The following UGT1A5 variants were observed in gnomAD, a reference collection of about 807,000 sequenced individuals.
UGT1A5 encodes the protein UDP glucuronosyltransferase family 1 member A5, also known as UDP-glucuronosyltransferase 1A5.
In UGT1A5, 29 loss-of-function variants were observed where a neutral mutation model predicts 40.3. The ratio of observed to expected loss-of-function variants is 0.72; its 90% CI spans 0.54 to 0.98. UGT1A5 has a LOEUF of 0.98. Among genes scored for constraint, UGT1A5 ranks in the 50% least tolerant of loss-of-function variants. The pLI, the probability that UGT1A5 is intolerant of heterozygous loss-of-function variation, is 0.00. For missense variants in UGT1A5, 678 were observed against 677.9 expected (o/e 1.00, Z 0.00); for synonymous variants, 257 against 262.5 (o/e 0.98, Z 0.20).
chr2:233,718,674 T>C, intron 1 of UGT1A5: 1 of 1,557,312 alleles, frequency 6.4e-7, no homozygotes, highest in South Asian at 1.2e-5. Context: ...GATTAATGGG[T>C]AATAAGTAAC....
At chr2:233,768,588 T>C in intron 4 of UGT1A5, 149 bp downstream of exon 4, 52 of 996,612 alleles carry the variant, frequency 5.2e-5, no homozygotes, top group East Asian at 5.1e-4. Flanking sequence ...TCTTCTTTTT[T>C]TTTTTTTTTT....
chr2:233,760,559 C>G (rs776620061), intron 1 of UGT1A5: 5 of 1,614,238 alleles, frequency 3.1e-6, no homozygotes, highest in Non-Finnish European at 2.5e-6. Flanking sequence ...GTGAAAGAGT[C>G]TTTTGTTAGT....
intron 1 of UGT1A5, among the ~76,000 whole-genome samples, chr2:233,749,698 G>A (rs1694252344): frequency 6.6e-6 from 1 of 151,854 alleles, no homozygotes; most frequent in Non-Finnish European, 1.5e-5. Flanking sequence ...TCTGGTGGGA[G>A]GTGATTGGAT....
chr2:233,714,908 G>A (rs149876180), intron 1 of UGT1A5, among the ~76,000 whole-genome samples: 2,802 of 146,068 alleles, frequency 0.019, 40 homozygotes, highest in South Asian at 0.029. Context: ...ATGGAGTCTT[G>A]CTCTGTCACC....
intron 1 of UGT1A5, chr2:233,729,360 A>G (rs17868336): frequency 0.038 from 60,794 of 1,614,118 alleles, 1,450 homozygotes; most frequent in Non-Finnish European, 0.047. Flanking sequence ...TCACCCTGAC[A>G]ACCTATGCCA....
intron 1 of UGT1A5, among the ~76,000 whole-genome samples, chr2:233,737,794 C>T (rs140109342): frequency 3.4e-4 from 51 of 152,152 alleles, no homozygotes; most frequent in African/African-American, 1.2e-3. Flanking sequence ...TGGCTCAAAT[C>T]TTCACTATCA....
intron 1 of UGT1A5, chr2:233,755,014 G>A (rs1575730324): frequency 1.5e-6 from 2 of 1,293,190 alleles, no homozygotes; most frequent in Non-Finnish European, 2.1e-6. Context: ...TACTCGAAGG[G>A]GTCCTTGAAG....
intron 1 of UGT1A5, among the ~76,000 whole-genome samples, chr2:233,753,860 A>G (rs1273913066): frequency 1.3e-5 from 2 of 152,194 alleles, no homozygotes; most frequent in Non-Finnish European, 2.9e-5. Flanking sequence ...CCAACCACAT[A>G]ACCCCAAGGT....
Position 233,769,607 on chromosome 2 carries a change from C to T in UGT1A5, c.1307+1168C>T. On this transcript the variant is annotated intron_variant, in intron 4 of 4. Transcript: ENST00000373414. The surrounding 1 kb of genome is among the most constrained non-coding windows in gnomAD (Gnocchi z 4.4). ...TGAGAGGAGACGGAACACGGGGACA[C>T]ACCAGCTTGAGCAAGGGACAACAGG... 6.2e-7 allele frequency: 1 copy of T among 1,612,808 alleles called. No individual in the cohort carries two copies. The highest frequency in any genetic ancestry group is 1.1e-5 in the South Asian group (1 of 91,046).
chr2:233,732,797 G>A (rs1219460969), intron 1 of UGT1A5, among the ~76,000 whole-genome samples: 2 of 150,530 alleles, frequency 1.3e-5, no homozygotes, highest in Non-Finnish European at 3.0e-5. Context: ...GGCAATGCAG[G>A]CTCTTTTTTG....
At chr2:233,743,218 T>C in intron 1 of UGT1A5, 1 of 410,544 alleles carries the variant, frequency 2.4e-6, no homozygotes. Flanking sequence ...GTAACTGCTC[T>C]TTGCTATTTA....
chr2:233,761,040 A>G (rs1426136333), intron 1 of UGT1A5: 5 of 1,614,140 alleles, frequency 3.1e-6, no homozygotes, highest in Non-Finnish European at 4.2e-6. Context: ...TGAGCTCTGC[A>G]TCTGTCTGGC....
Position 233,767,146 on chromosome 2 carries a change from T to C in UGT1A5, c.980T>C (p.Leu327Ser), listed in dbSNP as rs372326047. ...EKKAMAIADA[L>S]GKIPQTVLWR... The stretch of plus-strand genomic sequence containing the variant: ...AAAGCTATGGCAATTGCTGATGCTT[T>C]GGGCAAAATCCCTCAGACAGTAAGA... Residue 327 changes from leucine (L) to serine (S), a missense_variant, in exon 2 of 5, where the codon TTG (leucine) becomes TCG (serine). Transcript: ENST00000373414. 1 of 1,614,014 alleles carries C rather than the reference T, an allele frequency of 6.2e-7. No individual in the cohort carries two copies. Among genetic ancestry groups the C allele is most frequent in the Admixed American group, 1.7e-5 (1 of 60,006 alleles).
chr2:233,754,982 G>A (rs777457239), intron 1 of UGT1A5: 2 of 1,295,872 alleles, frequency 1.5e-6, no homozygotes, highest in African/African-American at 3.0e-5. Flanking sequence ...AGACCTCGGC[G>A]GGGTCACGGA....
intron 1 of UGT1A5, among the ~76,000 whole-genome samples, chr2:233,732,331 T>C (rs2078260984): frequency 6.6e-6 from 1 of 152,256 alleles, no homozygotes; most frequent in Admixed American, 6.5e-5. Flanking sequence ...TTTGTTGCCA[T>C]TGCTTTTGGT....
intron 1 of UGT1A5, among the ~76,000 whole-genome samples, chr2:233,736,317 G>T (rs2078750401): frequency 6.6e-6 from 1 of 152,044 alleles, no homozygotes; most frequent in African/African-American, 2.4e-5. Flanking sequence ...ATTGAATTTT[G>T]TGCATGTGTT....
rs767329942 is a variant in UGT1A5 at position 233,713,288 on chromosome 2, G to T, written c.297G>T (p.Ser99=). 3.7e-6 allele frequency: 6 copies of T among 1,614,202 alleles called. No homozygotes were observed. The highest frequency in any genetic ancestry group is 5.1e-6 in the Non-Finnish European group (6 of 1,180,042). ...GCCTTTTGCTGGGTCACACTCAATC[G>T]TTCTTTGAAACAGAACATCTTCTGA... is the stretch of plus-strand genomic sequence containing the variant. ...FDRLLLGHTQ[S]FFETEHLLMK... The change falls in exon 1 of 5, where the codon TCG becomes TCT. Residue 99 remains serine (S), a synonymous_variant. Transcript: ENST00000373414.
At chr2:233,745,942 T>C (rs1437822844) in intron 1 of UGT1A5, among the ~76,000 whole-genome samples, 1 of 151,412 alleles carries the variant, frequency 6.6e-6, no homozygotes, top group Non-Finnish European at 1.5e-5. Flanking sequence ...CAGCTGGGGG[T>C]TGGGCAACTG....
intron 1 of UGT1A5, among the ~76,000 whole-genome samples, chr2:233,738,020 A>G (rs1165451282): frequency 6.6e-6 from 1 of 152,034 alleles, no homozygotes; most frequent in African/African-American, 2.4e-5. Context: ...TTGAATTGTA[A>G]TCCCCATAAT....
Sources: allele counts gnomAD v4.1 joint callset (sites outside exome capture counted in the v4.1 genomes callset), GRCh38; gene constraint gnomAD v4.1.1; non-coding constraint Gnocchi (gnomAD v3.1); transcripts MANE v1.5; gene names NCBI Gene and HGNC (gene_info 2026-07-23, HGNC 2026-07-21).